The following SMYD3 variants were observed in gnomAD, a reference collection of about 807,000 sequenced individuals.
The protein encoded by SMYD3 is SET and MYND domain containing 3, also known as histone-lysine N-methyltransferase SMYD3.
A neutral mutation model predicts 57.7 loss-of-function variants in SMYD3; 36 were observed. That is an observed-to-expected ratio of 0.62 (90% confidence interval 0.48 to 0.82). The LOEUF (loss-of-function observed/expected upper bound fraction) is 0.82, where lower values mean the gene tolerates loss of function less well. Among genes scored for constraint, SMYD3 ranks in the 40% least tolerant of loss-of-function variants. The pLI is 0.00. For synonymous variants in SMYD3, 211 were observed against 195.0 expected (o/e 1.08, Z -0.68); for missense variants, 515 against 538.8 (o/e 0.96, Z 0.44).
In SMYD3 at chr1:245,859,079, A is replaced by C. The variant is rs190957156; in HGVS notation, c.902-409T>G. Among the ~76,000 whole-genome samples, 231 of 152,282 alleles carry C rather than the reference A, an allele frequency of 1.5e-3. 1 individual carries two copies. The Middle Eastern group carries it at 0.034, about 22-fold the overall frequency. On this transcript the variant is annotated intron_variant, in intron 9 of 11. Transcript: ENST00000490107. ...GTTTAAAAACTGTTTGAAATTAAAG[A>C]TGCTTTAGAGAGATTCCTTTTTCAA...
chr1:246,047,261 TG>T (rs2059984586), intron 5 of SMYD3, among the ~76,000 whole-genome samples: 3 of 151,832 alleles, frequency 2.0e-5, no homozygotes, highest in African/African-American at 7.3e-5. Context: ...CTACAAACCA[TG>T]GGGAAAAAGA....
At chr1:246,075,387 A>G (rs2060529178) in intron 5 of SMYD3, among the ~76,000 whole-genome samples, 1 of 152,198 alleles carries the variant, frequency 6.6e-6, no homozygotes, top group South Asian at 2.1e-4. Context: ...GACAAAAGGA[A>G]TTTTCCATTT....
chr1:245,774,681 CCCACGGTCTCCCTCTCCCTCT>C (rs1489352896), intron 10 of SMYD3, among the ~76,000 whole-genome samples: 42 of 115,808 alleles, frequency 3.6e-4, no homozygotes, highest in South Asian at 5.4e-4. Context: ...CTCTCCCTTT[CCCACGGTCTCCCTCTCCCTCT>C]CCACGGTCTC....
rs184399144 is a variant in SMYD3, at chr1:246,486,075, T to C, written c.164+20979A>G. Among the ~76,000 whole-genome samples, 208 of 152,344 alleles carry C rather than the reference T, an allele frequency of 1.4e-3. 1 individual carries two copies. The highest frequency in any genetic ancestry group is 4.8e-3 in the African/African-American group (200 of 41,588). On this transcript the variant is annotated intron_variant, in intron 1 of 11. Transcript: ENST00000490107. ...CATTACTGCTTACTTATCAGTCACA[T>C]ATAATATCCCAGGCTTTACGCTGGA...
chr1:245,918,941 T>C (rs1237307991), intron 7 of SMYD3, among the ~76,000 whole-genome samples: 1 of 152,160 alleles, frequency 6.6e-6, no homozygotes, highest in African/African-American at 2.4e-5. Flanking sequence ...AAAATGTGCT[T>C]GACTAACCCA....
At chr1:245,805,332 C>T (rs1045061282) in intron 10 of SMYD3, among the ~76,000 whole-genome samples, 1 of 152,176 alleles carries the variant, frequency 6.6e-6, no homozygotes, top group Admixed American at 6.5e-5. Flanking sequence ...TGAAAAATTG[C>T]ACAAGCCAAG....
At chr1:246,454,807 G>A (rs2103032256) in intron 1 of SMYD3, among the ~76,000 whole-genome samples, 1 of 152,278 alleles carries the variant, frequency 6.6e-6, no homozygotes, top group African/African-American at 2.4e-5. Context: ...AGGACTGGAT[G>A]CAAGCTCTAA....
intron 5 of SMYD3, among the ~76,000 whole-genome samples, chr1:246,019,217 A>G (rs1336263407): frequency 6.6e-6 from 1 of 152,072 alleles, no homozygotes; most frequent in African/African-American, 2.4e-5. Context: ...GAGTCTGAAG[A>G]CTGGGTAGGA....
intron 5 of SMYD3, among the ~76,000 whole-genome samples, chr1:246,273,783 C>T (rs1040980196): frequency 6.6e-6 from 1 of 151,610 alleles, no homozygotes; most frequent in Admixed American, 6.6e-5. Flanking sequence ...CAGGGTTTCA[C>T]CATGTTGGCC....
intron 5 of SMYD3, among the ~76,000 whole-genome samples, chr1:246,283,918 A>G (rs2064502932): frequency 6.6e-6 from 1 of 152,234 alleles, no homozygotes; most frequent in South Asian, 2.1e-4. Context: ...ATTTCAAAAT[A>G]ACAAAAGGAA....
chr1:246,409,528 G>A (rs905000212), intron 1 of SMYD3, among the ~76,000 whole-genome samples: 87 of 152,218 alleles, frequency 5.7e-4, no homozygotes, highest in African/African-American at 2.0e-3. Context: ...CTGTTCCATT[G>A]GTCTATCTCT....
Position 246,199,551 on chromosome 1 carries a change from C to A in SMYD3, c.531+127650G>T, listed in dbSNP as rs546764994. Among the ~76,000 whole-genome samples, 6 of 152,196 alleles carry A rather than the reference C, an allele frequency of 3.9e-5. No homozygotes were observed. In the South Asian group the frequency reaches 1.2e-3, roughly 32 times the overall value. On this transcript the variant is annotated intron_variant, in intron 5 of 11. Transcript: ENST00000490107. ...AAGTATTTACTGTGAGGGCTTAGAG[C>A]AGTTACAGGGCTCTAAACAGAAATT...
intron 10 of SMYD3, among the ~76,000 whole-genome samples, chr1:245,843,560 G>A (rs75371902): frequency 0.24 from 35,409 of 150,328 alleles, 6,231 homozygotes; most frequent in African/African-American, 0.49. Flanking sequence ...GTGTGTGTGT[G>A]TGTGTGTGTG....
chr1:246,231,690 C>T (rs2063410787), intron 5 of SMYD3, among the ~76,000 whole-genome samples: 1 of 152,118 alleles, frequency 6.6e-6, no homozygotes, highest in Non-Finnish European at 1.5e-5. Flanking sequence ...TATGGGGCTC[C>T]AGTTCATCAG....
intron 8 of SMYD3, among the ~76,000 whole-genome samples, chr1:245,903,228 G>A (rs2054311756): frequency 1.3e-5 from 2 of 152,120 alleles, no homozygotes; most frequent in Non-Finnish European, 2.9e-5. Context: ...CAATAGGCTA[G>A]ATCATGAAGA....
At chr1:246,489,277 C>T (rs1030575284) in intron 1 of SMYD3, among the ~76,000 whole-genome samples, 6 of 151,864 alleles carry the variant, frequency 4.0e-5, no homozygotes, top group Non-Finnish European at 7.4e-5. Flanking sequence ...ACCCGGGAGG[C>T]GGAGGCTGAG....
At chr1:246,268,874 G>A (rs1371922410) in intron 5 of SMYD3, among the ~76,000 whole-genome samples, 4 of 151,870 alleles carry the variant, frequency 2.6e-5, no homozygotes, top group Non-Finnish European at 4.4e-5. Flanking sequence ...TCTTTCTCGC[G>A]CCAGATCCAA....
Position 246,336,059 on chromosome 1 carries a change from G to A in SMYD3, c.229-585C>T, listed in dbSNP as rs115474042. The stretch of plus-strand genomic sequence containing the variant: ...TGTCTAGGTTTGTATCTATGTCCTG[G>A]CTTAAATATTAATAGTGCCCCTTTT... On this transcript the variant is annotated intron_variant, in intron 2 of 11. Transcript: ENST00000490107. 9.2e-3 allele frequency among the ~76,000 whole-genome samples: 1,393 copies of A among 152,230 alleles called. 26 individuals are homozygous for A. Among genetic ancestry groups the A allele is most frequent in the African/African-American group, 0.031 (1,293 of 41,542 alleles).
intron 1 of SMYD3, 71 bp downstream of exon 1, chr1:246,506,983 C>CCCCA: frequency 1.2e-6 from 1 of 810,934 alleles, no homozygotes; most frequent in East Asian, 4.9e-5. Flanking sequence ...CTGCCGGCCG[C>CCCCA]CCGACGCCCC....
Sources: gnomAD v4.1 joint callset for allele counts (sites outside exome capture counted in the v4.1 genomes callset) on GRCh38, gnomAD v4.1.1 for gene constraint, MANE v1.5 for transcripts, NCBI Gene and HGNC (gene_info 2026-07-23, HGNC 2026-07-21) for gene names.